Variants in PRH1 observed in about 807,000 individuals in gnomAD.
PRH1 encodes salivary acidic proline-rich phosphoprotein 1/2.
In PRH1, 7 loss-of-function variants were observed where a neutral mutation model predicts 7.9. The observed-to-expected ratio is 0.89, with a 90% CI of 0.50 to 1.67. The LOEUF (loss-of-function observed/expected upper bound fraction) is 1.67, where lower values mean the gene tolerates loss of function less well. Ranked by LOEUF, PRH1 falls within the 40% of genes most tolerant of loss-of-function variation. PRH1 has a pLI of 0.00. For missense variants in PRH1, 109 were observed against 223.6 expected, an observed-to-expected ratio of 0.49 and a Z score of 3.27; for synonymous variants, 45 against 80.8, an observed-to-expected ratio of 0.56 and a Z score of 2.38.
intron 1 of PRH1, among the ~76,000 whole-genome samples, chr12:11,082,167 C>T (rs1022182748): frequency 8.7e-6 from 1 of 114,430 alleles, no homozygotes; most frequent in African/African-American, 2.9e-5. Flanking sequence ...TTTAATAAGA[C>T]AGATGTAAAT....
chr12:10,989,033 C>A (rs536336820), intron 1 of PRH1, among the ~76,000 whole-genome samples: 31 of 152,270 alleles, frequency 2.0e-4, no homozygotes, highest in African/African-American at 6.7e-4. Context: ...GTCTTGAACT[C>A]CTGACCTCAG....
At chr12:10,970,718 C>T (rs1041378110) in intron 2 of PRH1, among the ~76,000 whole-genome samples, 16 of 152,000 alleles carry the variant, frequency 1.1e-4, no homozygotes, top group African/African-American at 3.6e-4. Flanking sequence ...GAGCCCGCCA[C>T]CACAATCAGC....
At chr12:11,031,855 G>A (rs1942239714) in intron 1 of PRH1, among the ~76,000 whole-genome samples, 1 of 152,252 alleles carries the variant, frequency 6.6e-6, no homozygotes, top group East Asian at 1.9e-4. Context: ...AGTATAGCTC[G>A]CTTCATCTCT....
chr12:10,936,770 T>A lies in PRH1; in HGVS notation c.-59+36885A>T, dbSNP rs532296010. On this transcript the variant is annotated intron_variant, in intron 2 of 3. Transcript: ENST00000539853. ...CCTATTGTACTACGGCCTCACTGTA[T>A]GGCCTAATTTAACCTTAACTACCTA... Among the ~76,000 whole-genome samples, 13 of 152,294 alleles carry A rather than the reference T, an allele frequency of 8.5e-5. 1 individual carries two copies. The highest frequency in any genetic ancestry group is 3.1e-4 in the African/African-American group (13 of 41,566).
chr12:11,025,142 G>A (rs866633603), intron 1 of PRH1, among the ~76,000 whole-genome samples: 5 of 151,438 alleles, frequency 3.3e-5, no homozygotes, highest in Admixed American at 6.6e-5. Context: ...CTCAGCCTCC[G>A]GAGTAGCTGG....
At chr12:11,053,251 G>C (rs1482165199) in intron 1 of PRH1, among the ~76,000 whole-genome samples, 1 of 152,100 alleles carries the variant, frequency 6.6e-6, no homozygotes, top group Non-Finnish European at 1.5e-5. Flanking sequence ...TTATGTTGTT[G>C]AAAAGGTGCT....
At chr12:11,007,591 C>T (rs1472609891) in intron 1 of PRH1, among the ~76,000 whole-genome samples, 1 of 152,116 alleles carries the variant, frequency 6.6e-6, no homozygotes, top group Non-Finnish European at 1.5e-5. Flanking sequence ...TTGCAGTGTC[C>T]TCCTGCCATA....
chr12:11,031,284 CAAAT>C, intron 1 of PRH1: 1 of 1,613,792 alleles, frequency 6.2e-7, no homozygotes, highest in Non-Finnish European at 8.5e-7. Flanking sequence ...TTTCCAATAA[CAAAT>C]AGAACCACTA....
chr12:11,139,023 G>C (rs577707244), intron 1 of PRH1, among the ~76,000 whole-genome samples: 2 of 152,176 alleles, frequency 1.3e-5, no homozygotes, highest in African/African-American at 2.4e-5. Flanking sequence ...CTGGACAACA[G>C]AGCAAGACCC....
intron 1 of PRH1, among the ~76,000 whole-genome samples, chr12:11,168,378 AAG>A (rs1565726511): frequency 1.6e-4 from 1 of 6,386 alleles, no homozygotes; most frequent in Non-Finnish European, 6.9e-4. Flanking sequence ...AAAAGAAAGA[AAG>A]AAAGAAAGAA....
chr12:10,939,353 A>T (rs1487437177), intron 2 of PRH1: 3 of 548,572 alleles, frequency 5.5e-6, no homozygotes, highest in African/African-American at 3.9e-5. Context: ...AACCATCCAG[A>T]TTTGCTAATG....
chr12:11,122,882 C>T (rs557576037), intron 1 of PRH1, among the ~76,000 whole-genome samples: 67 of 152,252 alleles, frequency 4.4e-4, no homozygotes, highest in African/African-American at 1.3e-3. Context: ...TTATGTAGGG[C>T]GAGACATGGA....
chr12:11,039,576 A>C (rs1942614826), intron 1 of PRH1, among the ~76,000 whole-genome samples: 2 of 152,248 alleles, frequency 1.3e-5, no homozygotes, highest in African/African-American at 4.8e-5. Context: ...TTAACAACCC[A>C]ATACACAGAT....
rs144579183 is a variant in PRH1, at chr12:11,071,793, T to C, written n.124-24605A>G. Among the ~76,000 whole-genome samples, 12 of 152,262 alleles carry C rather than the reference T, an allele frequency of 7.9e-5. No homozygotes were observed. In the South Asian group the frequency reaches 1.0e-3, roughly 13 times the overall value. Reference sequence around the variant, plus strand: ...GTCGGTGTATGTTATTCCTCTGTCATTGAGTCAGGGTCTGCTGGACAGACC... The same window carrying C: ...GTCGGTGTATGTTATTCCTCTGTCACTGAGTCAGGGTCTGCTGGACAGACC... On this transcript the variant is annotated intron_variant and non_coding_transcript_variant, in intron 1 of 4. Coordinates refer to the PRH1 transcript ENST00000541977.
upstream of PRH1, among the ~76,000 whole-genome samples, chr12:10,884,486 G>A (rs897631095): frequency 2.5e-4 from 38 of 152,164 alleles, no homozygotes; most frequent in African/African-American, 8.2e-4. Flanking sequence ...ATGTTTTGAC[G>A]GAACTGTGTC....
intron 2 of PRH1, among the ~76,000 whole-genome samples, chr12:10,910,699 C>G (rs1438546059): frequency 6.6e-6 from 1 of 152,060 alleles, no homozygotes; most frequent in Non-Finnish European, 1.5e-5. Flanking sequence ...TACCAAAATT[C>G]TGAAAACGTG....
intron 2 of PRH1, among the ~76,000 whole-genome samples, chr12:10,919,396 TA>T (rs1474988380): frequency 6.6e-6 from 1 of 152,198 alleles, no homozygotes; most frequent in Non-Finnish European, 1.5e-5. Context: ...GATAGACATG[TA>T]ACTATTTGTT....
intron 1 of PRH1, among the ~76,000 whole-genome samples, chr12:11,129,861 A>G (rs551575018): frequency 6.6e-6 from 1 of 152,392 alleles, no homozygotes; most frequent in South Asian, 2.1e-4. Flanking sequence ...TGTATTGATA[A>G]TATTACAGAC....
chr12:11,133,950 C>G (rs1377862206), intron 1 of PRH1: 4 of 1,613,970 alleles, frequency 2.5e-6, no homozygotes, highest in Non-Finnish European at 3.4e-6. Flanking sequence ...AGGCTAGTAG[C>G]AAGCCAGCTG....
Sources: allele counts gnomAD v4.1 joint callset (sites outside exome capture counted in the v4.1 genomes callset), GRCh38; gene constraint gnomAD v4.1.1; transcripts MANE v1.5; gene names NCBI Gene and HGNC (gene_info 2026-07-23, HGNC 2026-07-21).